ZCCHC7: variants seen among roughly 807,000 people sequenced by gnomAD.
The protein encoded by ZCCHC7 is zinc finger CCHC-type containing 7.
In ZCCHC7, 35 loss-of-function variants were observed where a neutral mutation model predicts 52.0. The ratio of observed to expected loss-of-function variants is 0.67; its 90% CI spans 0.51 to 0.89. ZCCHC7 has a LOEUF of 0.89. Ranked by LOEUF, ZCCHC7 falls within the 40% of genes least tolerant of loss-of-function variation. The pLI, the probability that ZCCHC7 is intolerant of heterozygous loss-of-function variation, is 0.00. For missense variants in ZCCHC7, 574 were observed against 649.1 expected (o/e 0.88, Z 1.26); for synonymous variants, 217 against 221.5 (o/e 0.98, Z 0.18).
intron 2 of ZCCHC7, among the ~76,000 whole-genome samples, chr9:37,268,461 C>T (rs990083382): frequency 6.6e-6 from 1 of 150,934 alleles, no homozygotes; most frequent in Non-Finnish European, 1.5e-5. Context: ...GAGTCTCGCT[C>T]TGTTGCCCAG....
chr9:37,206,679 G>T (rs1046955283), intron 2 of ZCCHC7, among the ~76,000 whole-genome samples: 5 of 151,998 alleles, frequency 3.3e-5, no homozygotes, highest in African/African-American at 1.2e-4. Context: ...AGTTTCTCTG[G>T]TATTTTTCTC....
chr9:37,127,241 T>C (rs1842581063), intron 2 of ZCCHC7, among the ~76,000 whole-genome samples: 2 of 152,062 alleles, frequency 1.3e-5, no homozygotes, highest in African/African-American at 2.4e-5. Flanking sequence ...ACTTCCCCCC[T>C]CTCTCTCTGC....
intron 2 of ZCCHC7, among the ~76,000 whole-genome samples, chr9:37,268,933 T>C (rs1827251579): frequency 6.6e-6 from 1 of 152,096 alleles, no homozygotes; most frequent in Admixed American, 6.6e-5. Flanking sequence ...GATAAAACAG[T>C]AGTATGAGAG....
intron 2 of ZCCHC7, among the ~76,000 whole-genome samples, chr9:37,133,076 G>A (rs1219769529): frequency 1.3e-5 from 2 of 152,218 alleles, no homozygotes. Flanking sequence ...GGAGGTTGCA[G>A]TGAGCCGAGA....
At chr9:37,211,948 A>G (rs1285345269) in intron 2 of ZCCHC7, among the ~76,000 whole-genome samples, 1 of 145,772 alleles carries the variant, frequency 6.9e-6, no homozygotes, top group East Asian at 2.2e-4. Flanking sequence ...GAATGGCATG[A>G]ACCCGGAGGC....
chr9:37,300,652 C>T (rs553245421), intron 2 of ZCCHC7, among the ~76,000 whole-genome samples: 1 of 152,306 alleles, frequency 6.6e-6, no homozygotes, highest in East Asian at 1.9e-4. Context: ...TACTTCATGT[C>T]TCTTCAAAAG....
chr9:37,251,159 A>G (rs1826310958), intron 2 of ZCCHC7, among the ~76,000 whole-genome samples: 1 of 152,158 alleles, frequency 6.6e-6, no homozygotes, highest in African/African-American at 2.4e-5. Flanking sequence ...CAACCTTTCT[A>G]ATGAAACAAG....
intron 2 of ZCCHC7, among the ~76,000 whole-genome samples, chr9:37,245,192 CTTTATT>C (rs910085877): frequency 2.3e-4 from 35 of 151,636 alleles, no homozygotes; most frequent in African/African-American, 8.5e-4. Context: ...TAAAGATAAA[CTTTATT>C]TTTTATTTTT....
intron 5 of ZCCHC7, among the ~76,000 whole-genome samples, chr9:37,320,987 CTT>C (rs11303114): frequency 1.7e-3 from 193 of 116,192 alleles, no homozygotes; most frequent in African/African-American, 4.8e-3. Flanking sequence ...TTTCTTTTTT[CTT>C]TTTTTTTTTT....
chr9:37,271,398 G>T (rs1388565274), intron 2 of ZCCHC7, among the ~76,000 whole-genome samples: 2 of 152,174 alleles, frequency 1.3e-5, no homozygotes, highest in African/African-American at 4.8e-5. Context: ...GGAAACTACA[G>T]ATTCAGGGAC....
At chr9:37,356,749 C>A in intron 8 of ZCCHC7, 86 bp from the exon 9 acceptor site, 3 of 1,252,860 alleles carry the variant, frequency 2.4e-6, no homozygotes, top group Non-Finnish European at 3.3e-6. Context: ...TCTAGCTTCC[C>A]TGTCTGTTAA....
At chr9:37,211,897 A>C (rs1370859512) in intron 2 of ZCCHC7, among the ~76,000 whole-genome samples, 1 of 151,762 alleles carries the variant, frequency 6.6e-6, no homozygotes, top group Non-Finnish European at 1.5e-5. Context: ...GTGTAGTGGC[A>C]GGCGCCTGTA....
intron 2 of ZCCHC7, among the ~76,000 whole-genome samples, chr9:37,270,986 A>G (rs1274067070): frequency 6.6e-6 from 1 of 152,144 alleles, no homozygotes; most frequent in East Asian, 1.9e-4. Flanking sequence ...TGGTTACCCG[A>G]ATGAGGGGGA....
chr9:37,152,305 G>T (rs1820575997), intron 2 of ZCCHC7, among the ~76,000 whole-genome samples: 1 of 151,834 alleles, frequency 6.6e-6, no homozygotes, highest in Admixed American at 6.6e-5. Flanking sequence ...GCAGGGAGTT[G>T]TCATGTGCCC....
intron 2 of ZCCHC7, among the ~76,000 whole-genome samples, chr9:37,286,782 C>T (rs931505150): frequency 7.6e-6 from 1 of 131,422 alleles, no homozygotes; most frequent in African/African-American, 2.9e-5. Flanking sequence ...AATCTTGATT[C>T]TCTTTTTCCC....
chr9:37,336,684 T>G (rs1452513121), intron 6 of ZCCHC7, among the ~76,000 whole-genome samples: 2 of 152,182 alleles, frequency 1.3e-5, no homozygotes, highest in Non-Finnish European at 2.9e-5. Context: ...TTTGAATATG[T>G]TAAGCATTTT....
intron 2 of ZCCHC7, among the ~76,000 whole-genome samples, chr9:37,162,571 C>T (rs1166714171): frequency 6.6e-6 from 1 of 152,180 alleles, no homozygotes; most frequent in East Asian, 1.9e-4. Flanking sequence ...AGTATCAATA[C>T]TTTTTATTAT....
At position 37,267,837 on chromosome 9, in the gene ZCCHC7, G is replaced by A. The variant is rs559897463; in HGVS notation, c.611-34351G>A. 5.3e-5 allele frequency among the ~76,000 whole-genome samples: 8 copies of A among 152,182 alleles called. No individual in the cohort carries two copies. In the East Asian group the frequency reaches 1.6e-3, roughly 29 times the overall value. On this transcript the variant is annotated intron_variant, in intron 2 of 8. Coordinates refer to ENST00000336755, the MANE Select transcript of ZCCHC7 (RefSeq NM_032226.3). ...ACCCGCCTCGGCCTCCCAGAGTGCT[G>A]AGATTACAGGCGTGAGCCACCGCGC...
At position 37,186,683 on chromosome 9, in the gene ZCCHC7, C is replaced by T. The variant is rs180729806; in HGVS notation, c.610+59741C>T. On this transcript the variant is annotated intron_variant, in intron 2 of 8. Coordinates refer to ENST00000336755, the MANE Select transcript of ZCCHC7 (RefSeq NM_032226.3). The stretch of plus-strand genomic sequence containing the variant: ...GAAAATTATACTCTTAGAATATTTA[C>T]AGATTCAAATATTTTTTTTTCCTTG... The T allele has an allele frequency of 4.6e-4, 267 of 586,634 alleles. 2 individuals carry two copies. The highest frequency in any genetic ancestry group is 7.6e-4 in the Admixed American group (28 of 36,940). 36.3% of individuals were successfully genotyped at this position (586,634 alleles called of 1,614,324 possible). A position where few individuals can be genotyped will look rare whatever the true frequency, so the allele number is the denominator to read the frequency against.
Sources: gnomAD v4.1 joint callset for allele counts (sites outside exome capture counted in the v4.1 genomes callset) on GRCh38, gnomAD v4.1.1 for gene constraint, MANE v1.5 for transcripts, NCBI Gene and HGNC (gene_info 2026-07-23, HGNC 2026-07-21) for gene names.